The following GTF2F2 variants were observed in gnomAD, a reference collection of about 807,000 sequenced individuals.
GTF2F2 encodes general transcription factor IIF subunit 2, also known as ATP-dependent helicase GTF2F2.
A neutral mutation model predicts 42.2 loss-of-function variants in GTF2F2; 23 were observed. That is an observed-to-expected ratio of 0.55 (90% CI 0.39 to 0.77). The LOEUF (loss-of-function observed/expected upper bound fraction) is 0.77. GTF2F2 is among the 30% of genes least tolerant of loss of function. The pLI, the probability that GTF2F2 is intolerant of heterozygous loss-of-function variation, is 0.00. For synonymous variants in GTF2F2, 105 were observed against 100.8 expected (o/e 1.04, Z -0.25); for missense variants, 261 against 287.2 (o/e 0.91, Z 0.66).
At position 45,212,447 on chromosome 13, in the gene GTF2F2, G is replaced by C. The variant is rs964777135; in HGVS notation, c.386+4942G>C. ...TGATTTCTTTCTTTCTTTCTTTCTT[G>C]TTTCTTTCTTTCTTTCTTTCTTTCT... On this transcript the variant is annotated intron_variant, in intron 5 of 7. Coordinates refer to ENST00000340473, the MANE Select transcript of GTF2F2 (RefSeq NM_004128.3). Among the ~76,000 whole-genome samples, 330 of 45,658 alleles carry C rather than the reference G, an allele frequency of 7.2e-3. 4 individuals carry two copies. The highest frequency in any genetic ancestry group is 0.026 in the East Asian group (53 of 2,044). The allele number at this position is 45,658 out of a possible 152,430, so 30.0% of individuals were successfully genotyped here. A position where few individuals can be genotyped will look rare whatever the true frequency, so the allele number is the denominator to read the frequency against.
At chr13:45,218,880 C>G (rs1318549594) in intron 5 of GTF2F2, among the ~76,000 whole-genome samples, 1 of 152,138 alleles carries the variant, frequency 6.6e-6, no homozygotes, top group Non-Finnish European at 1.5e-5. Context: ...ACAGGAACAC[C>G]TGACTCCTAA....
At chr13:45,228,814 G>A (rs912030004) in intron 5 of GTF2F2, among the ~76,000 whole-genome samples, 6 of 151,984 alleles carry the variant, frequency 3.9e-5, no homozygotes, top group African/African-American at 1.2e-4. Flanking sequence ...GGGATTACAG[G>A]CATGCGCCAC....
Position 45,154,557 on chromosome 13 carries a change from C to T in GTF2F2, c.304+2726C>T, listed in dbSNP as rs1331276821. 2.0e-5 allele frequency among the ~76,000 whole-genome samples: 3 copies of T among 152,210 alleles called. No individual in the cohort carries two copies. The East Asian group carries it at 5.8e-4, about 29-fold the overall frequency. ...TTCTAAGTTGCTATTAGTTATAATA[C>T]ACTATAACAATTTTTTGCTTCTTAA... On this transcript the variant is annotated intron_variant, in intron 4 of 7. Coordinates refer to ENST00000340473, the MANE Select transcript of GTF2F2 (RefSeq NM_004128.3).
intron 5 of GTF2F2, among the ~76,000 whole-genome samples, chr13:45,225,153 G>A (rs1490837450): frequency 6.6e-6 from 1 of 152,160 alleles, no homozygotes; most frequent in Non-Finnish European, 1.5e-5. Flanking sequence ...TCCGATGTAG[G>A]TGGTCCTTAG....
At chr13:45,261,162 C>T (rs1593523800) in intron 6 of GTF2F2, among the ~76,000 whole-genome samples, 1 of 151,942 alleles carries the variant, frequency 6.6e-6, no homozygotes, top group African/African-American at 2.4e-5. Context: ...TGCAGTGGCT[C>T]AAGCCAGTAA....
Position 45,242,653 on chromosome 13 carries a change from T to C in GTF2F2, c.387-10218T>C, listed in dbSNP as rs76423368. 5.8e-3 allele frequency among the ~76,000 whole-genome samples: 882 copies of C among 152,334 alleles called. 7 individuals are homozygous for C. The highest frequency in any genetic ancestry group is 9.8e-3 in the Non-Finnish European group (667 of 68,028). ...AGCAAGGCAGTATTAGGGCTTTTGC[T>C]TAGACATGAAAATAGTCCACATGTA... On this transcript the variant is annotated intron_variant, in intron 5 of 7. Transcript: ENST00000340473.
intron 1 of GTF2F2, among the ~76,000 whole-genome samples, chr13:45,124,903 C>T (rs757320600): frequency 6.6e-6 from 1 of 152,050 alleles, no homozygotes; most frequent in African/African-American, 2.4e-5. Context: ...TGGTCTTGAA[C>T]TCCTGATTTC....
intron 4 of GTF2F2, among the ~76,000 whole-genome samples, chr13:45,195,528 C>CTTGT (rs10564668): frequency 0.011 from 1,727 of 151,968 alleles, 26 homozygotes; most frequent in Non-Finnish European, 0.015. Context: ...AAGTTAGTTT[C>CTTGT]TTGTTTGTTT....
chr13:45,223,196 G>A (rs563835332), intron 5 of GTF2F2, among the ~76,000 whole-genome samples: 4 of 149,272 alleles, frequency 2.7e-5, no homozygotes, highest in Admixed American at 6.7e-5. Flanking sequence ...GGTGCAGGAG[G>A]TTGCAGTGAG....
chr13:45,176,939 C>T (rs1045912127), intron 4 of GTF2F2, among the ~76,000 whole-genome samples: 1 of 152,006 alleles, frequency 6.6e-6, no homozygotes, highest in Non-Finnish European at 1.5e-5. Context: ...GTGCCCGCCA[C>T]CATGCGTAGC....
intron 1 of GTF2F2, among the ~76,000 whole-genome samples, chr13:45,130,580 C>T (rs1038572574): frequency 6.6e-6 from 1 of 151,894 alleles, no homozygotes; most frequent in African/African-American, 2.4e-5. Flanking sequence ...GGTAGTAACT[C>T]GAGTTGGTGA....
At chr13:45,205,035 T>G (rs1873357170) in intron 4 of GTF2F2, among the ~76,000 whole-genome samples, 3 of 152,156 alleles carry the variant, frequency 2.0e-5, no homozygotes, top group Admixed American at 2.0e-4. Context: ...AACCTTTAAC[T>G]GAAAGTTAAA....
At chr13:45,275,473 C>T (rs1876994429) in intron 7 of GTF2F2, among the ~76,000 whole-genome samples, 1 of 126,144 alleles carries the variant, frequency 7.9e-6, no homozygotes, top group Non-Finnish European at 1.6e-5. Flanking sequence ...CCACGACAGG[C>T]CCTAGTGTGT....
chr13:45,192,001 T>C (rs1169775025), intron 4 of GTF2F2, among the ~76,000 whole-genome samples: 1 of 152,060 alleles, frequency 6.6e-6, no homozygotes, highest in Non-Finnish European at 1.5e-5. Context: ...TAAGAGAAAA[T>C]CTTGCTCTGA....
intron 6 of GTF2F2, among the ~76,000 whole-genome samples, chr13:45,265,433 A>T: frequency 6.6e-6 from 1 of 152,084 alleles, no homozygotes; most frequent in South Asian, 2.1e-4. Flanking sequence ...AATCCATTTA[A>T]AGCCGTTTTA....
In GTF2F2 at chr13:45,284,411, G is replaced by T. The variant is rs1877384277; in HGVS notation, c.*850G>T. ...GAAAACGTTAGTTTCAATTCCTGGG[G>T]CATTAAAATGTTGCTTTTCTCTTTC... On this transcript the variant is annotated 3_prime_UTR_variant, in exon 8 of 8. Coordinates refer to ENST00000340473, the MANE Select transcript of GTF2F2 (RefSeq NM_004128.3). 6.6e-6 allele frequency: 1 copy of T among 151,970 alleles called. No homozygotes were observed. The highest frequency in any genetic ancestry group is 2.4e-5 in the African/African-American group (1 of 41,378). The allele number at this position is 151,970 out of a possible 1,614,324, so 9.4% of individuals were successfully genotyped here.
chr13:45,160,739 T>C (rs1393485886), intron 4 of GTF2F2, among the ~76,000 whole-genome samples: 2 of 151,808 alleles, frequency 1.3e-5, no homozygotes, highest in Non-Finnish European at 2.9e-5. Flanking sequence ...AGTTGAATTT[T>C]ATTAATGACA....
intron 6 of GTF2F2, among the ~76,000 whole-genome samples, chr13:45,262,352 C>T (rs146270034): frequency 8.0e-4 from 122 of 152,166 alleles, no homozygotes; most frequent in African/African-American, 2.6e-3. Context: ...CTAGTCTGGG[C>T]GACAGAGTGA....
At chr13:45,269,659 T>C (rs1876709403) in intron 7 of GTF2F2, among the ~76,000 whole-genome samples, 1 of 152,204 alleles carries the variant, frequency 6.6e-6, no homozygotes, top group Non-Finnish European at 1.5e-5. Context: ...AGAACCTGGA[T>C]TTGGAGTATG....
Sources: gnomAD v4.1 joint callset for allele counts (sites outside exome capture counted in the v4.1 genomes callset) on GRCh38, gnomAD v4.1.1 for gene constraint, MANE v1.5 for transcripts, NCBI Gene and HGNC (gene_info 2026-07-23, HGNC 2026-07-21) for gene names.